Variants in ZNF608 observed in about 807,000 individuals in gnomAD.
The protein encoded by ZNF608 is zinc finger protein 608, also known as renal carcinoma antigen NY-REN-36.
ZNF608 carries 12 observed loss-of-function variants against 109.0 expected under a neutral mutation model. The observed-to-expected ratio is 0.11, with a 90% CI of 0.07 to 0.18. ZNF608 has a LOEUF of 0.18. Ranked by LOEUF, ZNF608 falls within the 10% of genes least tolerant of loss-of-function variation. The pLI is 1.00. For missense variants in ZNF608, 1,707 were observed against 1,879.3 expected, an observed-to-expected ratio of 0.91 and a Z score of 1.70; for synonymous variants, 732 against 717.4, an observed-to-expected ratio of 1.02 and a Z score of -0.33.
At chr5:124,711,601 C>CAG in intron 2 of ZNF608, among the ~76,000 whole-genome samples, 1 of 152,146 alleles carries the variant, frequency 6.6e-6, no homozygotes, top group African/African-American at 2.4e-5. Flanking sequence ...GATGGGTTGC[C>CAG]GTTTAAGCCG....
At chr5:124,692,328 C>T (rs1273093442) in intron 3 of ZNF608, among the ~76,000 whole-genome samples, 1 of 152,230 alleles carries the variant, frequency 6.6e-6, no homozygotes. Flanking sequence ...TCACTTTGTT[C>T]CACGAATTTA....
chr5:124,679,067 C>A (rs79330678), intron 3 of ZNF608, among the ~76,000 whole-genome samples: 4,472 of 152,290 alleles, frequency 0.029, 146 homozygotes, highest in East Asian at 0.12. Flanking sequence ...AAATTAGCAG[C>A]TTTGCCTGCA....
chr5:124,671,429 T>G (rs1751709940), intron 3 of ZNF608, among the ~76,000 whole-genome samples: 1 of 152,092 alleles, frequency 6.6e-6, no homozygotes, highest in South Asian at 2.1e-4. Flanking sequence ...CAAATCCCAT[T>G]CCACATTAAG....
intron 2 of ZNF608, among the ~76,000 whole-genome samples, chr5:124,741,629 C>T (rs1320895726): frequency 1.3e-5 from 2 of 152,118 alleles, no homozygotes; most frequent in Non-Finnish European, 2.9e-5. Flanking sequence ...GCTTCTGGTC[C>T]TACTAAATCT....
At chr5:124,664,718 T>C (rs1279911681) in intron 3 of ZNF608, among the ~76,000 whole-genome samples, 2 of 152,192 alleles carry the variant, frequency 1.3e-5, no homozygotes, top group Non-Finnish European at 2.9e-5. Context: ...GATACCATAC[T>C]TCTAAATGCA....
At chr5:124,712,481 C>A (rs1753536680) in intron 2 of ZNF608, among the ~76,000 whole-genome samples, 1 of 152,064 alleles carries the variant, frequency 6.6e-6, no homozygotes, top group African/African-American at 2.4e-5. Flanking sequence ...AAGAGAAGGG[C>A]CAAAACCCTG....
intron 3 of ZNF608, chr5:124,666,303 G>A (rs1201016111): frequency 7.9e-5 from 12 of 152,258 alleles, no homozygotes; most frequent in African/African-American, 2.4e-5. Context: ...GTTTCCTGTT[G>A]TGATCCTTGT....
upstream of ZNF608, chr5:124,748,466 C>T (rs1749714614): frequency 1.1e-5 from 10 of 888,756 alleles, no homozygotes; most frequent in Non-Finnish European, 1.3e-5. Flanking sequence ...GCATAAAACT[C>T]GCACATTCCC....
chr5:124,746,114 C>T lies in ZNF608; in HGVS notation c.-184+81G>A, dbSNP rs553700241. 159 of 984,916 alleles carry T rather than the reference C, an allele frequency of 1.6e-4. 5 individuals are homozygous for T. The Admixed American group carries it at 8.9e-3, about 55-fold the overall frequency. The allele number at this position is 984,916 out of a possible 1,614,324, so 61.0% of individuals were successfully genotyped here. ...AAAACGGTTTTTAAAGGGATCAGCC[C>T]CTTTTTAACAGTTGATTGTCAAGAA... On this transcript the variant is annotated intron_variant, in intron 1 of 9. Coordinates refer to ENST00000513986, the MANE Select transcript of ZNF608 (RefSeq NM_020747.3).
rs530691697 is a variant in ZNF608, at chr5:124,671,016, T to C, written c.1163-21319A>G. ...ATTCTACCTGCTATTAAGCTGCTGA[T>C]AGCAGTGTTTCTGTTGCAATTTATG... On this transcript the variant is annotated intron_variant, in intron 3 of 9. Transcript: ENST00000513986. Among the ~76,000 whole-genome samples, 16 of 152,354 alleles carry C rather than the reference T, an allele frequency of 1.1e-4. No homozygotes were observed. In the South Asian group the frequency reaches 2.5e-3, roughly 24 times the overall value.
intron 2 of ZNF608, among the ~76,000 whole-genome samples, chr5:124,716,951 G>A (rs1753727850): frequency 6.6e-6 from 1 of 151,844 alleles, no homozygotes; most frequent in African/African-American, 2.4e-5. Flanking sequence ...CCATGGTGGT[G>A]CATGCCTATA....
chr5:124,637,742 A>G lies in ZNF608; in HGVS notation c.*158T>C, dbSNP rs1280241267. Reference sequence around the variant, plus strand: ...AAAACAGAAGTTTAATTACAGCAACATTTGTTACTCTGTGATAAAATCTGT... The same window carrying G: ...AAAACAGAAGTTTAATTACAGCAACGTTTGTTACTCTGTGATAAAATCTGT... On this transcript the variant is annotated 3_prime_UTR_variant, in exon 10 of 10. Transcript: ENST00000513986. 1.6e-5 allele frequency: 9 copies of G among 576,118 alleles called. 1 individual carries two copies. Among genetic ancestry groups the G allele is most frequent in the Middle Eastern group, 2.8e-4 (1 of 3,574 alleles). The allele number at this position is 576,118 out of a possible 1,614,324, so 35.7% of individuals were successfully genotyped here.
At chr5:124,658,769 C>T (rs1340474681) in intron 3 of ZNF608, among the ~76,000 whole-genome samples, 1 of 152,148 alleles carries the variant, frequency 6.6e-6, no homozygotes, top group Non-Finnish European at 1.5e-5. Flanking sequence ...AATTGACTCC[C>T]CTCCCCAATC....
Position 124,746,363 on chromosome 5 carries a change from C to T in ZNF608, c.-352G>A. On this transcript the variant is annotated 5_prime_UTR_variant, in exon 1 of 10. It adds an upstream start codon to the 5' untranslated region. Transcript: ENST00000513986. ...ATAATCACTCGATAACATTATTCCA[C>T]CTCCCCACCCCCCTTTTGGCAAACG... 1 of 985,242 alleles carries T rather than the reference C, an allele frequency of 1.0e-6. No individual in the cohort carries two copies. Among genetic ancestry groups the T allele is most frequent in the Non-Finnish European group, 1.2e-6 (1 of 829,906 alleles). 61.0% of individuals were successfully genotyped at this position (985,242 alleles called of 1,614,324 possible).
At position 124,674,008 on chromosome 5, in the gene ZNF608, T is replaced by C. The variant is rs145354617; in HGVS notation, c.1163-24311A>G. On this transcript the variant is annotated intron_variant, in intron 3 of 9. Coordinates refer to ENST00000513986, the MANE Select transcript of ZNF608 (RefSeq NM_020747.3). ...CTGCTCAGAGGCAAACCAGGTAAATTATGAGAAAATTCACTCATAAAGATA... is the reference window on the plus strand; with the variant it reads ...CTGCTCAGAGGCAAACCAGGTAAATCATGAGAAAATTCACTCATAAAGATA... Among the ~76,000 whole-genome samples the C allele has an allele frequency of 3.2e-3, 490 of 152,290 alleles. 2 individuals carry two copies. Among genetic ancestry groups the C allele is most frequent in the African/African-American group, 0.011 (461 of 41,562 alleles).
intron 2 of ZNF608, among the ~76,000 whole-genome samples, chr5:124,712,107 A>G (rs1170073565): frequency 6.6e-6 from 1 of 152,124 alleles, no homozygotes; most frequent in Non-Finnish European, 1.5e-5. Context: ...AGATCGCACC[A>G]TTGCACTCCA....
intron 2 of ZNF608, among the ~76,000 whole-genome samples, chr5:124,723,141 G>A (rs940909666): frequency 1.3e-5 from 2 of 151,152 alleles, no homozygotes; most frequent in Admixed American, 6.6e-5. Context: ...AGCAATTCTC[G>A]GTTCTCAGCC....
At chr5:124,685,893 A>G (rs2149831525) in intron 3 of ZNF608, among the ~76,000 whole-genome samples, 1 of 152,344 alleles carries the variant, frequency 6.6e-6, no homozygotes, top group Non-Finnish European at 1.5e-5. Flanking sequence ...ACTGTGAGAA[A>G]ATATAGATGG....
chr5:124,647,838 A>G lies in ZNF608; in HGVS notation c.2546T>C (p.Leu849Ser). ...ATGATCCTTTAAAAAATGCCCAGGT[A>G]AATCTTTGCTGGCCCCCTTGGAGTC... ...LEDSKGASKD[L>S]PGHFLKDHLN... The change falls in exon 5 of 10, where the codon TTA becomes TCA. Residue 849 changes from leucine to serine, a missense_variant. By Grantham distance (145) the Leu-to-Ser change is moderately radical. This residue lies in a region of ZNF608 where 1,073 missense variants were observed against 1,133.5 expected (regional missense o/e 0.95). Transcript: ENST00000513986. The G allele has an allele frequency of 1.9e-6, 3 of 1,614,180 alleles. No individual in the cohort carries two copies. Among genetic ancestry groups the G allele is most frequent in the Non-Finnish European group, 2.5e-6 (3 of 1,180,022 alleles).
Sources: gnomAD v4.1 joint callset for allele counts (sites outside exome capture counted in the v4.1 genomes callset) on GRCh38, gnomAD v4.1.1 for gene constraint, gnomAD v4.1.1 regional missense constraint, MANE v1.5 for transcripts, NCBI Gene and HGNC (gene_info 2026-07-23, HGNC 2026-07-21) for gene names.